Variants in GGT5 observed in about 807,000 individuals in gnomAD.
GGT5 encodes glutathione hydrolase 5 proenzyme.
GGT5 carries 50 observed loss-of-function variants against 58.1 expected under a neutral mutation model. The ratio of observed to expected loss-of-function variants is 0.86; its 90% confidence interval spans 0.69 to 1.09. The LOEUF is 1.09. GGT5 is among the 50% of genes least tolerant of loss of function. The pLI is 0.00. For synonymous variants in GGT5, 370 were observed against 346.1 expected (o/e 1.07, Z -0.77); for missense variants, 800 against 789.4 (o/e 1.01, Z -0.16).
At position 24,238,821 on chromosome 22, in the gene GGT5, ATATATATATATTT is replaced by A. The variant is rs1569371508; in HGVS notation, c.174-4830_174-4818del. Among the ~76,000 whole-genome samples, 72 of 16,990 alleles carry A rather than the reference ATATATATATATTT, an allele frequency of 4.2e-3. 11 individuals are homozygous for A. The highest frequency in any genetic ancestry group is 0.029 in the Middle Eastern group (1 of 34). 11.1% of individuals were successfully genotyped at this position (16,990 alleles called of 152,430 possible). A position where few individuals can be genotyped will look rare whatever the true frequency, so the allele number is the denominator to read the frequency against. On this transcript the variant is annotated intron_variant, in intron 1 of 11. Transcript: ENST00000327365. Reference sequence around the variant, plus strand: ...TATATATATATAATATATTATATATATATATATATATTTATATATATATATTATATATATTATA... The same window carrying A: ...TATATATATATAATATATTATATATAATATATATATATTATATATATTATA...
chr22:24,225,573 G>A lies in GGT5; in HGVS notation c.1309C>T (p.Arg437Trp), dbSNP rs140980900. 20,814 of 1,610,134 alleles carry A rather than the reference G, an allele frequency of 0.013. 166 individuals are homozygous for A. Among genetic ancestry groups the A allele is most frequent in the Non-Finnish European group, 0.015 (17,641 of 1,176,510 alleles). ...GGTGAGGGGGTGGTGCCGGAACCCC[G>A]GGGGCATCGCTCGCATAAGTCCAGG... ...ELLDLCERCP[R>W]GSGTTPSPVS... Residue 437 changes from arginine to tryptophan, a missense_variant, in exon 9 of 12, where the codon CGG (arginine) becomes TGG (tryptophan). Transcript: ENST00000327365.
chr22:24,225,763 T>C (rs999878962), intron 8 of GGT5, 111 bp from the exon 9 acceptor site: 6 of 731,022 alleles, frequency 8.2e-6, no homozygotes, highest in African/African-American at 3.5e-5. Context: ...CCCCGAAGCA[T>C]GCTGAAGCCG....
At chr22:24,228,570 C>T (rs1338660257) in intron 6 of GGT5, among the ~76,000 whole-genome samples, 1 of 152,012 alleles carries the variant, frequency 6.6e-6, no homozygotes, top group African/African-American at 2.4e-5. Context: ...CCTGCCTCAG[C>T]CTCCCAAGCA....
chr22:24,232,357 T>G, intron 4 of GGT5, 149 bp from the exon 5 acceptor site: 1 of 558,508 alleles, frequency 1.8e-6, no homozygotes, highest in Non-Finnish European at 3.2e-6. Context: ...ACCGGGGAAC[T>G]GATTCTCTAG....
Position 24,232,889 on chromosome 22 carries a change from G to T in GGT5, c.530C>A (p.Ala177Asp), listed in dbSNP as rs2047987269. 5 of 1,584,716 alleles carry T rather than the reference G, an allele frequency of 3.2e-6. No homozygotes were observed. ...IALLRGGHVV[A>D]PVLSRFLHNS... ...GTGCAGGAAACGGCTGAGGACAGGG[G>T]CCACCACATGCCCCCCTCGGAGCAG... Residue 177 changes from alanine to aspartate, a missense_variant, in exon 4 of 12, where the codon GCC becomes GAC. By Grantham distance (126) the Ala-to-Asp change is moderately radical. Transcript: ENST00000327365.
chr22:24,221,781 T>G (rs563003749), intron 11 of GGT5, among the ~76,000 whole-genome samples: 1 of 151,940 alleles, frequency 6.6e-6, no homozygotes, highest in Non-Finnish European at 1.5e-5. Context: ...GCTGGGATTG[T>G]AGGCGGGAGC....
chr22:24,238,771 ATATATATAATATATATTATATATTT>A, intron 1 of GGT5, among the ~76,000 whole-genome samples: 1 of 28,350 alleles, frequency 3.5e-5, no homozygotes, highest in Admixed American at 8.3e-4. Flanking sequence ...ATATATATAT[ATATATATAATATATATTATATATTT>A]ATATATATAT....
chr22:24,224,288 T>C (rs1406738834), intron 11 of GGT5, among the ~76,000 whole-genome samples: 1 of 151,864 alleles, frequency 6.6e-6, no homozygotes, highest in Non-Finnish European at 1.5e-5. Context: ...GGCGGGAAGA[T>C]TGCTTGAGCT....
chr22:24,244,882 G>C lies in GGT5; in HGVS notation c.-157C>G, dbSNP rs1601446741. 7 of 1,281,792 alleles carry C rather than the reference G, an allele frequency of 5.5e-6. No homozygotes were observed. The East Asian group carries it at 1.8e-4, about 33-fold the overall frequency. The allele number at this position is 1,281,792 out of a possible 1,614,324, so 79.4% of individuals were successfully genotyped here. A position where few individuals can be genotyped will look rare whatever the true frequency, so the allele number is the denominator to read the frequency against. ...AGACAGACACGAAGATGGATCGACA[G>C]ATAGGCCAGATAGCTAGACAAAGAG... On this transcript the variant is annotated 5_prime_UTR_variant, in exon 1 of 12. It adds an upstream start codon to the 5' untranslated region. Transcript: ENST00000327365.
intron 1 of GGT5, among the ~76,000 whole-genome samples, chr22:24,238,907 T>TA (rs2048235927): frequency 1.5e-4 from 2 of 13,516 alleles, no homozygotes; most frequent in Non-Finnish European, 2.4e-4. Flanking sequence ...ATATATATAT[T>TA]ATATATATTA....
In GGT5 at chr22:24,220,044, C is replaced by T; in HGVS notation, c.1687G>A (p.Ala563Thr). Reference protein sequence around the residue: ...QRPFFLNVVQAVSQEGACVYA... With the variant: ...QRPFFLNVVQTVSQEGACVYA... ...ACACAGGCCCCCTCCTGGGACACAG[C>T]CTGGACCACGTTCAGGAAGAAGGGC... The change falls in exon 12 of 12, where the codon GCT becomes ACT. Residue 563 changes from alanine (A) to threonine (T), a missense_variant. By Grantham distance (58) the Ala-to-Thr change is moderately conservative (BLOSUM62 0). Coordinates refer to ENST00000327365, the MANE Select transcript of GGT5 (RefSeq NM_004121.5). 6.2e-7 allele frequency: 1 copy of T among 1,614,152 alleles called. No individual in the cohort carries two copies. Among genetic ancestry groups the T allele is most frequent in the Non-Finnish European group, 8.5e-7 (1 of 1,179,984 alleles).
intron 1 of GGT5, among the ~76,000 whole-genome samples, chr22:24,235,050 CTTTTTTTTTT>C (rs71189232): frequency 2.6e-4 from 20 of 75,662 alleles, no homozygotes; most frequent in Non-Finnish European, 4.2e-4. Flanking sequence ...AAGAAGCCAG[CTTTTTTTTTT>C]TTTTTTTTTT....
chr22:24,232,111 C>A lies in GGT5; in HGVS notation c.694G>T (p.Val232Leu). The change falls in exon 5 of 12, where the codon GTG (valine) becomes TTG (leucine). Residue 232 changes from valine (V) to leucine (L), a missense_variant. Coordinates refer to ENST00000327365, the MANE Select transcript of GGT5 (RefSeq NM_004121.5). ...TTLETVATEG[V>L]EVFYTGRLGQ... Reference sequence around the variant, plus strand: ...AGCCTCCCCGTGTAGAAGACCTCCACGCCCTCTGTGGCCACGGTCTCCAGG... The same window carrying A: ...AGCCTCCCCGTGTAGAAGACCTCCAAGCCCTCTGTGGCCACGGTCTCCAGG... 6.2e-7 allele frequency: 1 copy of A among 1,612,400 alleles called. No homozygotes were observed. Among genetic ancestry groups the A allele is most frequent in the Non-Finnish European group, 8.5e-7 (1 of 1,178,990 alleles).
intron 6 of GGT5, 74 bp downstream of exon 6, chr22:24,231,310 T>C (rs916287054): frequency 1.5e-5 from 16 of 1,067,244 alleles, no homozygotes; most frequent in Admixed American, 2.1e-5. Context: ...GGGCTTGGGC[T>C]TGGAGTCTGA....
intron 6 of GGT5, among the ~76,000 whole-genome samples, chr22:24,227,802 C>T (rs2047811477): frequency 1.3e-5 from 2 of 151,924 alleles, no homozygotes; most frequent in Admixed American, 6.6e-5. Context: ...TGGCTCACAC[C>T]TGTAGTCCCA....
At chr22:24,220,703 C>A (rs984476615) in intron 11 of GGT5, 1 of 454,788 alleles carries the variant, frequency 2.2e-6, no homozygotes, top group African/African-American at 2.0e-5. Flanking sequence ...TGAGAACAGC[C>A]AGGGCAACAA....
chr22:24,231,349 G>C, intron 6 of GGT5, 35 bp downstream of exon 6: 1 of 1,437,496 alleles, frequency 7.0e-7, no homozygotes, highest in Non-Finnish European at 9.5e-7. Flanking sequence ...TGCGGGGGAG[G>C]GGGTGGGCGC....
intron 7 of GGT5, 82 bp downstream of exon 7, chr22:24,226,549 C>T: frequency 6.9e-7 from 1 of 1,449,920 alleles, no homozygotes; most frequent in Non-Finnish European, 9.6e-7. Flanking sequence ...CTTCCCCCTA[C>T]CAGGCCTGAC....
At chr22:24,226,391 C>A (rs2047766855) in intron 7 of GGT5, 125 bp from the exon 8 acceptor site, 2 of 800,956 alleles carry the variant, frequency 2.5e-6, no homozygotes, top group East Asian at 2.6e-5. Flanking sequence ...GTGGCCAGGT[C>A]TCCCTCAAGC....
Sources: gnomAD v4.1 joint callset for allele counts (sites outside exome capture counted in the v4.1 genomes callset) on GRCh38, gnomAD v4.1.1 for gene constraint, MANE v1.5 for transcripts, NCBI Gene and HGNC (gene_info 2026-07-23, HGNC 2026-07-21) for gene names.